Variants in SLC44A1 observed in about 807,000 individuals in gnomAD.
SLC44A1 encodes choline transporter-like protein 1.
A neutral mutation model predicts 79.3 loss-of-function variants in SLC44A1; 26 were observed. The observed-to-expected ratio is 0.33, with a 90% CI of 0.24 to 0.46. The LOEUF (loss-of-function observed/expected upper bound fraction) is 0.46. SLC44A1 is among the 20% of genes least tolerant of loss of function. The pLI is 1.00. For missense variants in SLC44A1, 688 were observed against 798.1 expected (o/e 0.86, Z 1.66); for synonymous variants, 263 against 286.2 (o/e 0.92, Z 0.82).
At chr9:105,403,546 A>C (rs1481394231) in intron 15 of SLC44A1, among the ~76,000 whole-genome samples, 1 of 151,340 alleles carries the variant, frequency 6.6e-6, no homozygotes. Flanking sequence ...ACTGAGTTCT[A>C]CATTAGCTAA....
At chr9:105,433,010 A>C (rs1829416653) in intron 15 of SLC44A1, among the ~76,000 whole-genome samples, 1 of 152,128 alleles carries the variant, frequency 6.6e-6, no homozygotes, top group Admixed American at 6.5e-5. Flanking sequence ...AACTTTTACA[A>C]ATCGCCGGGC....
intron 9 of SLC44A1, among the ~76,000 whole-genome samples, chr9:105,363,324 G>C (rs1827840748): frequency 6.6e-6 from 1 of 151,946 alleles, no homozygotes; most frequent in Admixed American, 6.6e-5. Context: ...CACCATGCCT[G>C]GCTAATTTTT....
chr9:105,366,704 A>G (rs1031189409), intron 12 of SLC44A1, among the ~76,000 whole-genome samples: 3 of 152,190 alleles, frequency 2.0e-5, no homozygotes, highest in African/African-American at 7.2e-5. Context: ...ATTTTAATAA[A>G]TAGATAAAAC....
At chr9:105,437,088 T>C (rs1829472959) in intron 15 of SLC44A1, among the ~76,000 whole-genome samples, 1 of 152,206 alleles carries the variant, frequency 6.6e-6, no homozygotes, top group African/African-American at 2.4e-5. Flanking sequence ...AGCCGGCCCT[T>C]ATTTTTAATT....
intron 1 of SLC44A1, among the ~76,000 whole-genome samples, chr9:105,249,264 G>GT (rs1420852690): frequency 2.2e-4 from 34 of 152,044 alleles, no homozygotes; most frequent in Admixed American, 2.2e-3. Context: ...ACCATCATCT[G>GT]TATCAGCTTT....
At chr9:105,355,551 T>G (rs1827596574) in intron 5 of SLC44A1, among the ~76,000 whole-genome samples, 1 of 152,218 alleles carries the variant, frequency 6.6e-6, no homozygotes, top group Non-Finnish European at 1.5e-5. Context: ...TTAGATATAC[T>G]TTTCCCCTTA....
intron 15 of SLC44A1, among the ~76,000 whole-genome samples, chr9:105,419,623 A>G (rs1564058056): frequency 6.6e-6 from 1 of 152,196 alleles, no homozygotes; most frequent in African/African-American, 2.4e-5. Flanking sequence ...TTAGAAGGCC[A>G]TGTATTTCTA....
intron 12 of SLC44A1, among the ~76,000 whole-genome samples, chr9:105,368,262 G>A (rs1202242372): frequency 1.3e-5 from 2 of 151,922 alleles, no homozygotes; most frequent in Non-Finnish European, 2.9e-5. Flanking sequence ...GATGTTTGAA[G>A]TTTTAAGTGG....
At chr9:105,375,186 C>T (rs537872400) in intron 13 of SLC44A1, among the ~76,000 whole-genome samples, 132 of 152,264 alleles carry the variant, frequency 8.7e-4, no homozygotes, top group African/African-American at 2.8e-3. Context: ...GGATTACAGG[C>T]GTGCCACCAC....
intron 1 of SLC44A1, among the ~76,000 whole-genome samples, chr9:105,292,325 C>A (rs977540914): frequency 5.9e-5 from 9 of 152,162 alleles, no homozygotes; most frequent in African/African-American, 2.2e-4. Context: ...GTAAATATAA[C>A]CCTACACAAT....
At chr9:105,318,281 A>G (rs772746006) in intron 3 of SLC44A1, among the ~76,000 whole-genome samples, 10 of 152,094 alleles carry the variant, frequency 6.6e-5, no homozygotes, top group South Asian at 2.1e-4. Context: ...CCCGAGTTCA[A>G]TAGATTCTCC....
intron 15 of SLC44A1, among the ~76,000 whole-genome samples, chr9:105,432,327 T>G (rs922880999): frequency 1.6e-4 from 25 of 152,230 alleles, no homozygotes; most frequent in Non-Finnish European, 5.9e-5. Context: ...AGTAGGCCAA[T>G]TGTCTCTTCA....
At chr9:105,384,714 A>G (rs536063213) in intron 14 of SLC44A1, among the ~76,000 whole-genome samples, 16 of 152,358 alleles carry the variant, frequency 1.1e-4, no homozygotes, top group African/African-American at 3.4e-4. Flanking sequence ...GATCAAAAGC[A>G]GAGTAAAAAA....
chr9:105,258,894 G>T (rs985589454), intron 1 of SLC44A1, among the ~76,000 whole-genome samples: 1 of 151,606 alleles, frequency 6.6e-6, no homozygotes, highest in Non-Finnish European at 1.5e-5. Context: ...TGGTAGAGAG[G>T]GGGTTTCACC....
intron 1 of SLC44A1, among the ~76,000 whole-genome samples, chr9:105,273,220 G>C (rs561725783): frequency 3.9e-5 from 6 of 152,050 alleles, no homozygotes. Context: ...TCGAACTCCC[G>C]ACCTCGGGTG....
At chr9:105,351,612 A>AAG (rs1319181982) in intron 5 of SLC44A1, among the ~76,000 whole-genome samples, 6 of 79,366 alleles carry the variant, frequency 7.6e-5, no homozygotes, top group African/African-American at 2.5e-4. Flanking sequence ...GAAAGAAAGA[A>AAG]AGAAAGAAAG....
At chr9:105,292,959 G>A (rs1481118478) in intron 1 of SLC44A1, among the ~76,000 whole-genome samples, 4 of 152,018 alleles carry the variant, frequency 2.6e-5, no homozygotes, top group East Asian at 1.9e-4. Flanking sequence ...CCAGGAGTTC[G>A]AGACCAACCT....
intron 3 of SLC44A1, among the ~76,000 whole-genome samples, chr9:105,318,460 G>A (rs1469541888): frequency 1.3e-5 from 2 of 152,112 alleles, no homozygotes; most frequent in Non-Finnish European, 2.9e-5. Context: ...GATTATAGGC[G>A]TGAGCCACTA....
chr9:105,391,195 C>T lies in SLC44A1; in HGVS notation c.*2139C>T. The stretch of plus-strand genomic sequence containing the variant: ...GAACTTGGAAATTAGGTTCTACTCA[C>T]TTGGACATCCCTGCATCATGGACTG... On this transcript the variant is annotated 3_prime_UTR_variant, in exon 16 of 16. Coordinates refer to ENST00000374720, the MANE Select transcript of SLC44A1 (RefSeq NM_080546.5). The T allele has an allele frequency of 3.0e-6, 3 of 985,784 alleles. No individual in the cohort carries two copies. The highest frequency in any genetic ancestry group is 3.6e-6 in the Non-Finnish European group (3 of 829,940). 61.1% of individuals were successfully genotyped at this position (985,784 alleles called of 1,614,324 possible).
Sources: gnomAD v4.1 joint callset for allele counts (sites outside exome capture counted in the v4.1 genomes callset) on GRCh38, gnomAD v4.1.1 for gene constraint, MANE v1.5 for transcripts, NCBI Gene and HGNC (gene_info 2026-07-23, HGNC 2026-07-21) for gene names.